Variants in MMP16 observed in about 807,000 individuals in gnomAD.
The protein encoded by MMP16 is matrix metalloproteinase-16.
MMP16 carries 12 observed loss-of-function variants against 67.8 expected under a neutral mutation model. The observed-to-expected ratio is 0.18, with a 90% CI of 0.11 to 0.29. The LOEUF (loss-of-function observed/expected upper bound fraction) is 0.29. Among genes scored for constraint, MMP16 ranks in the 10% least tolerant of loss-of-function variants. The pLI, the probability that MMP16 is intolerant of heterozygous loss-of-function variation, is 1.00. For synonymous variants in MMP16, 249 were observed against 255.9 expected, an observed-to-expected ratio of 0.97 and a Z score of 0.26; for missense variants, 475 against 765.7, an observed-to-expected ratio of 0.62 and a Z score of 4.48.
intron 1 of MMP16, among the ~76,000 whole-genome samples, chr8:88,294,287 CATATATGTATATATGT>C (rs1554592391): frequency 4.9e-5 from 7 of 143,136 alleles, no homozygotes; most frequent in East Asian, 2.1e-4. Flanking sequence ...TACACACACA[CATATATGTATATATGT>C]ATATATGTAT....
In MMP16 at chr8:88,168,085, G is replaced by A. The variant is rs543233998; in HGVS notation, c.405-112C>T. On this transcript the variant is annotated intron_variant, in intron 3 of 9. Coordinates refer to ENST00000286614, the MANE Select transcript of MMP16 (RefSeq NM_005941.5). ...TAGAGAAAATAGTCATATTAAATAG[G>A]AATAACACGTATTCATTCCTCTTGT... 50 of 725,412 alleles carry A rather than the reference G, an allele frequency of 6.9e-5. No homozygotes were observed. In the African/African-American group the frequency reaches 7.7e-4, roughly 11 times the overall value. 44.9% of individuals were successfully genotyped at this position (725,412 alleles called of 1,614,324 possible).
chr8:88,268,992 G>A (rs954045088), intron 1 of MMP16, among the ~76,000 whole-genome samples: 2 of 152,002 alleles, frequency 1.3e-5, no homozygotes, highest in Non-Finnish European at 2.9e-5. Flanking sequence ...GAGGATCTAG[G>A]CAGGATTCCC....
chr8:88,043,524 G>A (rs1403175595), intron 9 of MMP16, among the ~76,000 whole-genome samples: 4 of 152,134 alleles, frequency 2.6e-5, no homozygotes, highest in South Asian at 2.1e-4. Context: ...CTCGGAGATC[G>A]CCTATCTTTT....
At chr8:88,237,344 T>C (rs1039281302) in intron 1 of MMP16, among the ~76,000 whole-genome samples, 2 of 152,160 alleles carry the variant, frequency 1.3e-5, no homozygotes, top group African/African-American at 2.4e-5. Context: ...CATGCCTGAA[T>C]TTAGCTTTTC....
intron 6 of MMP16, among the ~76,000 whole-genome samples, chr8:88,102,735 G>C (rs1041630821): frequency 2.0e-5 from 3 of 151,768 alleles, no homozygotes; most frequent in African/African-American, 7.3e-5. Context: ...CATAAAAAAA[G>C]ATATCACTTT....
At chr8:88,155,286 T>C (rs1808489908) in intron 4 of MMP16, among the ~76,000 whole-genome samples, 1 of 152,100 alleles carries the variant, frequency 6.6e-6, no homozygotes. Flanking sequence ...TTAGAATATA[T>C]ACAAAATATT....
chr8:88,216,806 T>C, intron 1 of MMP16, among the ~76,000 whole-genome samples: 1 of 152,138 alleles, frequency 6.6e-6, no homozygotes, highest in Non-Finnish European at 1.5e-5. Context: ...CTTTGATCAC[T>C]TGCTTAAGGT....
chr8:88,278,828 G>A (rs1275980870), intron 1 of MMP16, among the ~76,000 whole-genome samples: 1 of 152,048 alleles, frequency 6.6e-6, no homozygotes, highest in East Asian at 1.9e-4. Context: ...TTATCTAGGG[G>A]CATTGTACAA....
At chr8:88,137,889 G>GT (rs1245365290) in intron 4 of MMP16, among the ~76,000 whole-genome samples, 1 of 151,692 alleles carries the variant, frequency 6.6e-6, no homozygotes, top group Non-Finnish European at 1.5e-5. Flanking sequence ...GTCTTCTATT[G>GT]TGCCCATTCT....
chr8:88,322,377 C>A (rs922077202), intron 1 of MMP16, among the ~76,000 whole-genome samples: 1 of 152,062 alleles, frequency 6.6e-6, no homozygotes, highest in Non-Finnish European at 1.5e-5. Flanking sequence ...CTGATGTTAG[C>A]TTGGTTGATT....
intron 1 of MMP16, among the ~76,000 whole-genome samples, chr8:88,294,310 GTA>G (rs1419483499): frequency 6.0e-5 from 9 of 149,810 alleles, no homozygotes; most frequent in East Asian, 2.0e-4. Context: ...ATGTATATAT[GTA>G]TATGTCTATA....
At chr8:88,128,450 T>C (rs1012429934) in intron 4 of MMP16, among the ~76,000 whole-genome samples, 2 of 151,888 alleles carry the variant, frequency 1.3e-5, no homozygotes, top group African/African-American at 4.8e-5. Flanking sequence ...GACAGGTTTT[T>C]TTCCTGACCA....
At chr8:88,048,050 T>G (rs1309739926) in intron 8 of MMP16, among the ~76,000 whole-genome samples, 1 of 152,184 alleles carries the variant, frequency 6.6e-6, no homozygotes, top group Non-Finnish European at 1.5e-5. Flanking sequence ...TTAAGCCCGA[T>G]TATCTGGAAG....
At chr8:88,124,908 G>A (rs1440691969) in intron 4 of MMP16, among the ~76,000 whole-genome samples, 1 of 151,838 alleles carries the variant, frequency 6.6e-6, no homozygotes, top group Non-Finnish European at 1.5e-5. Flanking sequence ...GAGAGAAAAA[G>A]GAAGCTTGCT....
intron 1 of MMP16, among the ~76,000 whole-genome samples, chr8:88,293,101 A>G (rs28986488): frequency 0.023 from 3,528 of 152,278 alleles, 55 homozygotes; most frequent in Non-Finnish European, 0.036. Flanking sequence ...ACACACCACA[A>G]TTATTAATAT....
chr8:88,184,767 AAAAAAAAAAAAGAAAAG>A (rs1809045324), intron 3 of MMP16, among the ~76,000 whole-genome samples: 4 of 144,040 alleles, frequency 2.8e-5, no homozygotes, highest in African/African-American at 1.0e-4. Flanking sequence ...AAAAAAAAAA[AAAAAAAAAAAAGAAAAG>A]AAAAAAGAAT....
At chr8:88,105,857 G>GA (rs1809229033) in intron 6 of MMP16, among the ~76,000 whole-genome samples, 1 of 150,728 alleles carries the variant, frequency 6.6e-6, no homozygotes, top group South Asian at 2.1e-4. Flanking sequence ...AATGTTCAGT[G>GA]AAAAATAAAA....
intron 1 of MMP16, among the ~76,000 whole-genome samples, chr8:88,215,274 G>C (rs1260149390): frequency 6.6e-6 from 1 of 151,796 alleles, no homozygotes; most frequent in East Asian, 1.9e-4. Flanking sequence ...AGGTTGCAGT[G>C]AGCTGAGATC....
At position 88,032,595 on chromosome 8, in the gene MMP16, C is replaced by A. The variant is rs1420569110; in HGVS notation, c.*8866G>T. 3 of 151,972 alleles carry A rather than the reference C, an allele frequency of 2.0e-5. No individual in the cohort carries two copies. The highest frequency in any genetic ancestry group is 2.9e-5 in the Non-Finnish European group (2 of 67,974). 9.4% of individuals were successfully genotyped at this position (151,972 alleles called of 1,614,324 possible). A position where few individuals can be genotyped will look rare whatever the true frequency, so the allele number is the denominator to read the frequency against. On this transcript the variant is annotated 3_prime_UTR_variant, in exon 10 of 10. Transcript: ENST00000286614. The stretch of plus-strand genomic sequence containing the variant: ...ATCAATGAAAAAATTAATTTAAGCA[C>A]CACAAAATTTTGCCTGATTTTATCT...
Sources: allele counts gnomAD v4.1 joint callset (sites outside exome capture counted in the v4.1 genomes callset), GRCh38; gene constraint gnomAD v4.1.1; transcripts MANE v1.5; gene names NCBI Gene and HGNC (gene_info 2026-07-23, HGNC 2026-07-21).